Variants in FAM83C observed in about 807,000 individuals in gnomAD.
FAM83C encodes protein FAM83C.
FAM83C carries 23 observed loss-of-function variants against 27.1 expected under a neutral mutation model. The observed-to-expected ratio is 0.85, with a 90% confidence interval of 0.61 to 1.20. FAM83C has a LOEUF of 1.20. Among genes scored for constraint, FAM83C ranks in the 50% most tolerant of loss-of-function variants. The probability of loss-of-function intolerance (pLI) is 0.00; values close to 1 mark genes in which losing one functional copy is unlikely to be tolerated. For synonymous variants in FAM83C, 426 were observed against 423.1 expected (o/e 1.01, Z -0.09); for missense variants, 984 against 1,001.3 (o/e 0.98, Z 0.23).
chr20:35,286,104 GCTCAAAGGCCACCTCCAT>G lies in FAM83C; in HGVS notation c.*413_*430del, dbSNP rs2146270640. On this transcript the variant is annotated 3_prime_UTR_variant, in exon 4 of 4. Transcript: ENST00000374408. ...AAACCTCCCCATCCTTCAGGGCCTGGCTCAAAGGCCACCTCCATCTCCTCTAAGAAAGTTTTCTGACTA... is the reference window on the plus strand; with the variant it reads ...AAACCTCCCCATCCTTCAGGGCCTGGCTCCTCTAAGAAAGTTTTCTGACTA... 1 of 168,532 alleles carries G rather than the reference GCTCAAAGGCCACCTCCAT, an allele frequency of 5.9e-6. No individual in the cohort carries two copies. The highest frequency in any genetic ancestry group is 1.8e-4 in the East Asian group (1 of 5,618). 10.4% of individuals were successfully genotyped at this position (168,532 alleles called of 1,614,324 possible).
In FAM83C at chr20:35,287,935, C is replaced by T; in HGVS notation, c.844G>A (p.Val282Met). The change falls in exon 4 of 4, where the codon GTG becomes ATG. Residue 282 changes from valine (V) to methionine (M), a missense_variant. Transcript: ENST00000374408. Reference sequence around the variant, plus strand: ...ACGATGCGGCCCCTCAGCTGCAGCACCATGCTAGTGTGGGCCTGGCTGCAA... The same window carrying T: ...ACGATGCGGCCCCTCAGCTGCAGCATCATGCTAGTGTGGGCCTGGCTGCAA... ...WLCSQAHTSM[V>M]LQLRGRIVED... is the part of the protein sequence containing the mutation. The T allele has an allele frequency of 1.3e-6, 2 of 1,558,040 alleles. No homozygotes were observed. Among genetic ancestry groups the T allele is most frequent in the African/African-American group, 1.4e-5 (1 of 73,630 alleles).
chr20:35,287,035 C>T lies in FAM83C; in HGVS notation c.1744G>A (p.Asp582Asn). The T allele has an allele frequency of 6.2e-7, 1 of 1,605,712 alleles. No homozygotes were observed. The highest frequency in any genetic ancestry group is 8.5e-7 in the Non-Finnish European group (1 of 1,179,992). ...SLRPGDRALE[D>N]RRLSLNQSRG... is the part of the protein sequence containing the mutation. The stretch of plus-strand genomic sequence containing the variant: ...CTTTGGTTTAGGGACAGCCTCCTGT[C>T]CTCCAGGGCCCGATCACCAGGTCTG... The change falls in exon 4 of 4, where the codon GAC becomes AAC. Residue 582 changes from aspartate to asparagine, a missense_variant. By Grantham distance (23) the Asp-to-Asn change is conservative. Transcript: ENST00000374408.
At chr20:35,288,003 G>T in intron 3 of FAM83C, 31 bp from the exon 4 acceptor site, 1 of 1,541,218 alleles carries the variant, frequency 6.5e-7, no homozygotes, top group Non-Finnish European at 8.8e-7. Flanking sequence ...GGGTCAGGAG[G>T]CAAAGTGCAG....
At chr20:35,290,052 C>T (rs1210104158) in intron 1 of FAM83C, among the ~76,000 whole-genome samples, 3 of 152,226 alleles carry the variant, frequency 2.0e-5, no homozygotes, top group Non-Finnish European at 2.9e-5. Flanking sequence ...CTACAAGCCA[C>T]TTACTGGGGT....
intron 1 of FAM83C, among the ~76,000 whole-genome samples, chr20:35,291,503 G>A (rs1352670465): frequency 1.3e-5 from 2 of 152,214 alleles, no homozygotes; most frequent in Non-Finnish European, 2.9e-5. Context: ...AAGATGCAGC[G>A]AGGACTCCTC....
chr20:35,290,185 C>T (rs1199121089), intron 1 of FAM83C, among the ~76,000 whole-genome samples: 1 of 152,232 alleles, frequency 6.6e-6, no homozygotes, highest in African/African-American at 2.4e-5. Flanking sequence ...GTTTTCTGCT[C>T]AGTTGAGGGC....
rs1383973416 is a variant in FAM83C, at chr20:35,285,958, A to G, written c.*577T>C. ...TGTGTGTGTGTGTGTGTTTCCGGGT[A>G]TCCACATACTCTGCTCTTCCTCACT... On this transcript the variant is annotated 3_prime_UTR_variant, in exon 4 of 4. Coordinates refer to ENST00000374408, the MANE Select transcript of FAM83C (RefSeq NM_178468.6). 2 of 152,908 alleles carry G rather than the reference A, an allele frequency of 1.3e-5. No homozygotes were observed. The highest frequency in any genetic ancestry group is 2.9e-5 in the Non-Finnish European group (2 of 69,132). The allele number at this position is 152,908 out of a possible 1,614,324, so 9.5% of individuals were successfully genotyped here.
rs759112278 is a variant in FAM83C, at chr20:35,287,876, G to A, written c.903C>T (p.Tyr301=). The A allele has an allele frequency of 1.5e-5, 23 of 1,561,860 alleles. No individual in the cohort carries two copies. Among genetic ancestry groups the A allele is most frequent in the South Asian group, 2.3e-5 (2 of 85,236 alleles). Residue 301 remains tyrosine, a synonymous_variant, in exon 4 of 4, where the codon TAC becomes TAT. Transcript: ENST00000374408. Reference sequence around the variant, plus strand: ...AGCCCTCCACAGGCTGCGACTCAGCGTACAGACAGCGGAACTCCCGGTCAA... The same window carrying A: ...AGCCCTCCACAGGCTGCGACTCAGCATACAGACAGCGGAACTCCCGGTCAA... ...EDFDREFRCL[Y]AESQPVEGFC... is the part of the protein sequence containing the mutation.
chr20:35,289,472 C>G, intron 1 of FAM83C, among the ~76,000 whole-genome samples: 1 of 151,968 alleles, frequency 6.6e-6, no homozygotes. Context: ...TCTCAAGTAG[C>G]TGGAATTTCA....
Position 35,285,808 on chromosome 20 carries a change from C to G in FAM83C, c.*727G>C, listed in dbSNP as rs2060820030. On this transcript the variant is annotated 3_prime_UTR_variant, in exon 4 of 4. Transcript: ENST00000374408. ...AAGTGGTGAGTTCAGGAAAATGGCCCACAACCTGTCACAGCCTGTACTTCA... is the reference window on the plus strand; with the variant it reads ...AAGTGGTGAGTTCAGGAAAATGGCCGACAACCTGTCACAGCCTGTACTTCA... 6.5e-6 allele frequency: 1 copy of G among 153,212 alleles called. No homozygotes were observed. Among genetic ancestry groups the G allele is most frequent in the African/African-American group, 2.4e-5 (1 of 41,390 alleles). The allele number at this position is 153,212 out of a possible 1,614,324, so 9.5% of individuals were successfully genotyped here.
At position 35,286,814 on chromosome 20, in the gene FAM83C, C is replaced by T. The variant is rs756956339; in HGVS notation, c.1965G>A (p.Pro655=). The change falls in exon 4 of 4, where the codon CCG becomes CCA. Residue 655 remains proline (P), a synonymous_variant. Transcript: ENST00000374408. ...RGEGPGPNGL[P]ISSPARTAGA... is the part of the protein sequence containing the mutation. ...CAGCCGTGCGAGCAGGGCTTGATAT[C>T]GGGAGACCATTGGGCCCAGGCCCCT... 15 of 1,613,794 alleles carry T rather than the reference C, an allele frequency of 9.3e-6. No individual in the cohort carries two copies. The highest frequency in any genetic ancestry group is 2.2e-5 in the South Asian group (2 of 91,082).
intron 1 of FAM83C, among the ~76,000 whole-genome samples, chr20:35,290,606 A>T (rs1463100382): frequency 6.6e-6 from 1 of 152,220 alleles, no homozygotes; most frequent in Non-Finnish European, 1.5e-5. Flanking sequence ...GGTCACTAGG[A>T]GTCATGACAG....
At chr20:35,289,100 A>ACTTC (rs2060839251) in intron 1 of FAM83C, 142 bp from the exon 2 acceptor site, 1 of 1,054,100 alleles carries the variant, frequency 9.5e-7, no homozygotes, top group Non-Finnish European at 1.3e-6. Context: ...GAGCAAGTGA[A>ACTTC]CAGGAAGGGC....
Position 35,287,064 on chromosome 20 carries a change from G to A in FAM83C, c.1715C>T (p.Ser572Phe). Residue 572 changes from serine to phenylalanine, a missense_variant, in exon 4 of 4, where the codon TCC becomes TTC. Coordinates refer to ENST00000374408, the MANE Select transcript of FAM83C (RefSeq NM_178468.6). ...CAGGGCCCGATCACCAGGTCTGAGG[G>A]AACCCAACTCAGGGGCACCCCCAGT... ...LGTGGAPELG[S>F]LRPGDRALED... 2 of 1,604,816 alleles carry A rather than the reference G, an allele frequency of 1.2e-6. No individual in the cohort carries two copies. The highest frequency in any genetic ancestry group is 1.7e-4 in the Middle Eastern group (1 of 6,044).
Position 35,287,281 on chromosome 20 carries a change from A to T in FAM83C, c.1498T>A (p.Ser500Thr), listed in dbSNP as rs753026637. 3 of 1,613,206 alleles carry T rather than the reference A, an allele frequency of 1.9e-6. No homozygotes were observed. Among genetic ancestry groups the T allele is most frequent in the South Asian group, 1.1e-5 (1 of 91,090 alleles). ...AGCTGGCCACGGCTCTGACTTGGAGATGCCTTCTTCTCCTTCTCCTCCACT... is the reference window on the plus strand; with the variant it reads ...AGCTGGCCACGGCTCTGACTTGGAGTTGCCTTCTTCTCCTTCTCCTCCACT... ...ETVEEKEKKA[S>T]PSQSRGQLDL... The change falls in exon 4 of 4, where the codon TCT becomes ACT. Residue 500 changes from serine to threonine, a missense_variant. Coordinates refer to ENST00000374408, the MANE Select transcript of FAM83C (RefSeq NM_178468.6).
intron 2 of FAM83C, 85 bp downstream of exon 2, chr20:35,288,706 A>G: frequency 1.6e-6 from 2 of 1,252,018 alleles, no homozygotes; most frequent in Non-Finnish European, 2.1e-6. Flanking sequence ...AGTGCCCCCC[A>G]GTGCTGACTG....
chr20:35,286,694 T>C lies in FAM83C; in HGVS notation c.2085A>G (p.Gly695=). ...KYHQLHGARQ[G]TEPGGPKGGH... is the part of the protein sequence containing the mutation. ...CACCCTTGGGACCCCCAGGCTCAGT[T>C]CCCTGCCTGGCCCCGTGCAACTGAT... is the stretch of plus-strand genomic sequence containing the variant. Residue 695 remains glycine (G), a synonymous_variant, in exon 4 of 4, where the codon GGA becomes GGG. Transcript: ENST00000374408. 1.2e-6 allele frequency: 2 copies of C among 1,613,968 alleles called. No individual in the cohort carries two copies. Among genetic ancestry groups the C allele is most frequent in the Non-Finnish European group, 1.7e-6 (2 of 1,179,974 alleles).
chr20:35,289,322 A>G (rs1600832563), intron 1 of FAM83C, among the ~76,000 whole-genome samples: 1 of 150,116 alleles, frequency 6.7e-6, no homozygotes, highest in South Asian at 2.1e-4. Context: ...GGCATGTGCC[A>G]CTATGCCTGG....
rs1274173663 is a variant in FAM83C at position 35,287,790 on chromosome 20, G to C, written c.989C>G (p.Ala330Gly). ...GGGGCTTGGGACATCAGGCCTGAAG[G>C]CTAGGGCCACAGGGGGAGGACGCAG... Reference protein sequence around the residue: ...RALRPPPVALAFRPDVPSPTS... With the variant: ...RALRPPPVALGFRPDVPSPTS... Residue 330 changes from alanine (A) to glycine (G), a missense_variant, in exon 4 of 4, where the codon GCC (alanine) becomes GGC (glycine). By Grantham distance (60) the Ala-to-Gly change is moderately conservative. Transcript: ENST00000374408. The C allele has an allele frequency of 5.6e-6, 9 of 1,606,494 alleles. No homozygotes were observed. The highest frequency in any genetic ancestry group is 7.7e-6 in the Non-Finnish European group (9 of 1,176,256).
Sources: gnomAD v4.1 joint callset for allele counts (sites outside exome capture counted in the v4.1 genomes callset) on GRCh38, gnomAD v4.1.1 for gene constraint, MANE v1.5 for transcripts, NCBI Gene and HGNC (gene_info 2026-07-23, HGNC 2026-07-21) for gene names.